The following GTF2A1 variants were observed in gnomAD, a reference collection of about 807,000 sequenced individuals.
The protein encoded by GTF2A1 is transcription initiation factor IIA subunit 1.
GTF2A1 carries 12 observed loss-of-function variants against 54.1 expected under a neutral mutation model. That is an observed-to-expected ratio of 0.22 (90% CI 0.14 to 0.36). GTF2A1 has a LOEUF of 0.36. GTF2A1 is among the 10% of genes least tolerant of loss of function. The probability of loss-of-function intolerance (pLI) is 1.00; values close to 1 mark genes in which losing one functional copy is unlikely to be tolerated. For synonymous variants in GTF2A1, 145 were observed against 152.0 expected (o/e 0.95, Z 0.34); for missense variants, 335 against 442.2 (o/e 0.76, Z 2.17).
chr14:81,184,324 CAATA>C (rs1892696687), intron 8 of GTF2A1, among the ~76,000 whole-genome samples: 2 of 152,150 alleles, frequency 1.3e-5, no homozygotes, highest in South Asian at 4.1e-4. Context: ...GACTTCCTAA[CAATA>C]AAGATTTAAT....
rs533389126 is a variant in GTF2A1, at chr14:81,177,466, G to A, written c.*2757C>T. 1 of 152,204 alleles carries A rather than the reference G, an allele frequency of 6.6e-6. No individual in the cohort carries two copies. Among genetic ancestry groups the A allele is most frequent in the African/African-American group, 2.4e-5 (1 of 41,568 alleles). 9.4% of individuals were successfully genotyped at this position (152,204 alleles called of 1,614,324 possible). On this transcript the variant is annotated 3_prime_UTR_variant, in exon 9 of 9. Coordinates refer to ENST00000553612, the MANE Select transcript of GTF2A1 (RefSeq NM_015859.4). Reference sequence around the variant, plus strand: ...CCAAATGGCCACCAAGCAAGAGTTTGTATACTGAAAGGCACACATTTCCAT... The same window carrying A: ...CCAAATGGCCACCAAGCAAGAGTTTATATACTGAAAGGCACACATTTCCAT...
chr14:81,177,819 G>T lies in GTF2A1; in HGVS notation c.*2404C>A, dbSNP rs1165083607. The T allele has an allele frequency of 1.3e-5, 2 of 152,094 alleles. No homozygotes were observed. The highest frequency in any genetic ancestry group is 2.9e-5 in the Non-Finnish European group (2 of 67,972). 9.4% of individuals were successfully genotyped at this position (152,094 alleles called of 1,614,324 possible). ...AAGATAAGCAAGTGACATTCTTACA[G>T]CAAAAGCTACTATAATAAAACTAAA... On this transcript the variant is annotated 3_prime_UTR_variant, in exon 9 of 9. Transcript: ENST00000553612.
At chr14:81,202,553 T>C (rs553337826) in intron 3 of GTF2A1, 42 of 432,834 alleles carry the variant, frequency 9.7e-5, no homozygotes, top group African/African-American at 8.4e-4. Flanking sequence ...GCTGATCAGG[T>C]GTCCAAATAA....
chr14:81,178,834 TA>T lies in GTF2A1; in HGVS notation c.*1388del, dbSNP rs889133681. On this transcript the variant is annotated 3_prime_UTR_variant, in exon 9 of 9. Coordinates refer to ENST00000553612, the MANE Select transcript of GTF2A1 (RefSeq NM_015859.4). Reference sequence around the variant, plus strand: ...AAACCATGGAAAGTTGAATTCGTTGTAAGAACACAATGGTGAAGACAAGCAT... The same window carrying T: ...AAACCATGGAAAGTTGAATTCGTTGTAGAACACAATGGTGAAGACAAGCAT... 6.6e-6 allele frequency: 1 copy of T among 152,174 alleles called. No individual in the cohort carries two copies. Among genetic ancestry groups the T allele is most frequent in the African/African-American group, 2.4e-5 (1 of 41,462 alleles). The allele number at this position is 152,174 out of a possible 1,614,324, so 9.4% of individuals were successfully genotyped here. A position where few individuals can be genotyped will look rare whatever the true frequency, so the allele number is the denominator to read the frequency against.
At chr14:81,185,780 A>G (rs1488381947) in intron 7 of GTF2A1, among the ~76,000 whole-genome samples, 160 bp from the exon 8 acceptor site, 3 of 152,252 alleles carry the variant, frequency 2.0e-5, no homozygotes, top group Non-Finnish European at 4.4e-5. Context: ...CAGTTTGCCA[A>G]TATTACTGAA....
chr14:81,199,807 C>A (rs1384386641), intron 4 of GTF2A1, among the ~76,000 whole-genome samples: 2 of 152,140 alleles, frequency 1.3e-5, no homozygotes, highest in Non-Finnish European at 2.9e-5. Flanking sequence ...ATTCAAAATT[C>A]TCTTCCACAA....
intron 6 of GTF2A1, 94 bp downstream of exon 6, chr14:81,196,014 G>C: frequency 9.1e-7 from 1 of 1,097,786 alleles, no homozygotes; most frequent in East Asian, 2.4e-5. Context: ...CTGAAAAAGA[G>C]TCTTTTGTGC....
intron 2 of GTF2A1, among the ~76,000 whole-genome samples, chr14:81,208,937 T>C (rs1488143555): frequency 2.6e-5 from 4 of 152,250 alleles, no homozygotes; most frequent in Admixed American, 2.0e-4. Context: ...TAGCTTGCTT[T>C]TGATTTTACA....
intron 6 of GTF2A1, among the ~76,000 whole-genome samples, chr14:81,194,944 T>A (rs1014762496): frequency 3.3e-5 from 5 of 151,418 alleles, no homozygotes; most frequent in Non-Finnish European, 7.4e-5. Flanking sequence ...GGAGTTCAAG[T>A]CCAACCTAGA....
At chr14:81,196,382 A>T (rs994341709) in intron 5 of GTF2A1, 141 bp from the exon 6 acceptor site, 3 of 787,834 alleles carry the variant, frequency 3.8e-6, no homozygotes, top group Admixed American at 4.7e-5. Context: ...GTTGTCATTC[A>T]TACACAGTAT....
At chr14:81,211,582 C>T (rs1350504540) in intron 2 of GTF2A1, among the ~76,000 whole-genome samples, 2 of 152,122 alleles carry the variant, frequency 1.3e-5, no homozygotes, top group Non-Finnish European at 2.9e-5. Context: ...ATCCCCAAGA[C>T]CATGGAGAAA....
intron 2 of GTF2A1, among the ~76,000 whole-genome samples, chr14:81,207,822 C>T (rs1219176173): frequency 6.6e-6 from 1 of 152,222 alleles, no homozygotes; most frequent in Non-Finnish European, 1.5e-5. Context: ...CGGCATTTTG[C>T]CGCTGCCCGA....
At chr14:81,220,400 G>A (rs1159895132) in intron 1 of GTF2A1, 89 bp downstream of exon 1, 47 of 855,374 alleles carry the variant, frequency 5.5e-5, no homozygotes, top group Middle Eastern at 3.3e-4. Flanking sequence ...AGTCGAGGCC[G>A]GGAGTCGCCG....
At chr14:81,206,931 G>A (rs1893244302) in intron 2 of GTF2A1, among the ~76,000 whole-genome samples, 1 of 151,904 alleles carries the variant, frequency 6.6e-6, no homozygotes, top group African/African-American at 2.4e-5. Context: ...GCAGATTTTT[G>A]TTATACACAC....
chr14:81,205,092 T>A (rs1439214806), intron 2 of GTF2A1, among the ~76,000 whole-genome samples: 1 of 152,154 alleles, frequency 6.6e-6, no homozygotes, highest in Non-Finnish European at 1.5e-5. Context: ...CCCTTTGCCA[T>A]ACTCACAGAG....
At chr14:81,205,864 G>A (rs1405857432) in intron 2 of GTF2A1, among the ~76,000 whole-genome samples, 4 of 152,036 alleles carry the variant, frequency 2.6e-5, no homozygotes, top group African/African-American at 4.8e-5. Flanking sequence ...CTAGAATAGC[G>A]CACCATCAAA....
rs572469599 is a variant in GTF2A1 at position 81,214,825 on chromosome 14, G to C, written c.132+1588C>G. On this transcript the variant is annotated intron_variant, in intron 2 of 8. Coordinates refer to ENST00000553612, the MANE Select transcript of GTF2A1 (RefSeq NM_015859.4). The stretch of plus-strand genomic sequence containing the variant: ...TTTTTCTGAAAATAGCCATATTTTA[G>C]TAAATAAAATTGAGTGAGAATGACA... 2.0e-5 allele frequency among the ~76,000 whole-genome samples: 3 copies of C among 152,178 alleles called. No homozygotes were observed. The South Asian group carries it at 6.2e-4, about 32-fold the overall frequency.
At chr14:81,195,976 GA>G in intron 6 of GTF2A1, 131 bp downstream of exon 6, 1 of 732,198 alleles carries the variant, frequency 1.4e-6, no homozygotes. Context: ...GTATACAGGA[GA>G]AATTTGAAAC....
chr14:81,202,877 T>A (rs761926759), intron 3 of GTF2A1: 22 of 454,508 alleles, frequency 4.8e-5, no homozygotes, highest in African/African-American at 4.3e-4. Context: ...AAAGTACACA[T>A]TAAAATTAGG....
Sources: allele counts gnomAD v4.1 joint callset (sites outside exome capture counted in the v4.1 genomes callset), GRCh38; gene constraint gnomAD v4.1.1; transcripts MANE v1.5; gene names NCBI Gene and HGNC (gene_info 2026-07-23, HGNC 2026-07-21).